The following ARHGAP42 variants were observed in gnomAD, a reference collection of about 807,000 sequenced individuals.
ARHGAP42 encodes Rho GTPase activating protein 42.
In ARHGAP42, 63 loss-of-function variants were observed where a neutral mutation model predicts 125.0. That is an observed-to-expected ratio of 0.50 (90% CI 0.41 to 0.62). ARHGAP42 has a LOEUF of 0.62. ARHGAP42 is among the 20% of genes least tolerant of loss of function. The pLI, the probability that ARHGAP42 is intolerant of heterozygous loss-of-function variation, is 0.00. For synonymous variants in ARHGAP42, 339 were observed against 351.0 expected (o/e 0.97, Z 0.38); for missense variants, 766 against 1,024.2 (o/e 0.75, Z 3.44).
At chr11:100,841,180 CCTTT>C (rs1395570834) in intron 3 of ARHGAP42, among the ~76,000 whole-genome samples, 1 of 152,146 alleles carries the variant, frequency 6.6e-6, no homozygotes, top group Non-Finnish European at 1.5e-5. Context: ...GTACAAAAAT[CCTTT>C]CTTTCACCCT....
intron 4 of ARHGAP42, among the ~76,000 whole-genome samples, chr11:100,902,979 G>C (rs545844359): frequency 1.3e-5 from 2 of 152,258 alleles, no homozygotes; most frequent in South Asian, 4.2e-4. Context: ...TGGACAGCAT[G>C]AATGGAGATG....
At chr11:100,735,215 C>T (rs552978330) in intron 1 of ARHGAP42, among the ~76,000 whole-genome samples, 1 of 152,316 alleles carries the variant, frequency 6.6e-6, no homozygotes, top group East Asian at 1.9e-4. Context: ...AGTACATATT[C>T]TTTTATGATT....
chr11:100,860,927 A>G (rs1865430776), intron 4 of ARHGAP42, among the ~76,000 whole-genome samples: 1 of 152,226 alleles, frequency 6.6e-6, no homozygotes, highest in African/African-American at 2.4e-5. Flanking sequence ...CACACGTGAC[A>G]TGCATGGTGT....
At chr11:100,734,908 C>T (rs942200513) in intron 1 of ARHGAP42, among the ~76,000 whole-genome samples, 1 of 151,776 alleles carries the variant, frequency 6.6e-6, no homozygotes, top group Admixed American at 6.6e-5. Context: ...TTAAGTTCGT[C>T]AGTATACAGA....
At chr11:100,813,569 T>C (rs974251532) in intron 3 of ARHGAP42, among the ~76,000 whole-genome samples, 24 of 152,192 alleles carry the variant, frequency 1.6e-4, no homozygotes, top group African/African-American at 5.8e-4. Context: ...AAATTCACTT[T>C]TGTCATTGAA....
chr11:100,912,760 G>A (rs75783306), intron 4 of ARHGAP42, among the ~76,000 whole-genome samples: 6,876 of 152,140 alleles, frequency 0.045, 227 homozygotes, highest in East Asian at 0.1. Context: ...CCCCCTCCCA[G>A]TTGTTCCCCA....
At chr11:100,921,445 C>T (rs1867264964) in intron 5 of ARHGAP42, 49 bp from the exon 6 acceptor site, 27 of 1,312,958 alleles carry the variant, frequency 2.1e-5, no homozygotes, top group East Asian at 1.1e-4. Context: ...GAATTGAGTC[C>T]CTCTCTATGT....
intron 3 of ARHGAP42, 55 bp from the exon 4 acceptor site, chr11:100,859,499 A>G (rs1251424773): frequency 7.0e-7 from 1 of 1,436,618 alleles, no homozygotes; most frequent in Non-Finnish European, 9.4e-7. Flanking sequence ...CATTTTTTCA[A>G]TGTTGTTGGC....
intron 1 of ARHGAP42, among the ~76,000 whole-genome samples, chr11:100,759,177 C>A (rs1372134256): frequency 6.6e-6 from 1 of 152,142 alleles, no homozygotes; most frequent in African/African-American, 2.4e-5. Context: ...ACCCCCATCA[C>A]CCTGCAGCTT....
intron 3 of ARHGAP42, among the ~76,000 whole-genome samples, chr11:100,808,855 A>G (rs182434743): frequency 1.8e-4 from 27 of 152,312 alleles, no homozygotes; most frequent in African/African-American, 5.8e-4. Flanking sequence ...ATTATTCATA[A>G]ATGTTCCCTT....
At chr11:100,977,447 G>A (rs935525731) in intron 21 of ARHGAP42, among the ~76,000 whole-genome samples, 1 of 152,162 alleles carries the variant, frequency 6.6e-6, no homozygotes, top group African/African-American at 2.4e-5. Flanking sequence ...AGTAGAGAAT[G>A]AGGAATATGC....
At chr11:100,922,171 A>G (rs903849921) in intron 6 of ARHGAP42, among the ~76,000 whole-genome samples, 1 of 152,220 alleles carries the variant, frequency 6.6e-6, no homozygotes, top group African/African-American at 2.4e-5. Context: ...CCCATTTAGC[A>G]AATGTTTAGA....
chr11:100,814,503 A>G (rs1565225679), intron 3 of ARHGAP42, among the ~76,000 whole-genome samples: 2 of 152,202 alleles, frequency 1.3e-5, no homozygotes, highest in South Asian at 4.1e-4. Flanking sequence ...GTATAAAGAA[A>G]TACATGAGAC....
At chr11:100,887,955 C>T (rs1471872243) in intron 4 of ARHGAP42, among the ~76,000 whole-genome samples, 1 of 152,160 alleles carries the variant, frequency 6.6e-6, no homozygotes, top group African/African-American at 2.4e-5. Flanking sequence ...CCCATCTCTA[C>T]CTCTATCCAA....
At chr11:100,745,577 T>C (rs1035961994) in intron 1 of ARHGAP42, among the ~76,000 whole-genome samples, 1 of 152,190 alleles carries the variant, frequency 6.6e-6, no homozygotes, top group East Asian at 1.9e-4. Context: ...TACCCCTGAG[T>C]TGTTGGCTAA....
intron 3 of ARHGAP42, among the ~76,000 whole-genome samples, chr11:100,827,295 G>A (rs1049771047): frequency 3.3e-5 from 5 of 152,104 alleles, no homozygotes; most frequent in Admixed American, 2.6e-4. Context: ...GAGCCACAAC[G>A]TCCGGCCAAG....
chr11:100,734,037 C>T (rs186845509), intron 1 of ARHGAP42, among the ~76,000 whole-genome samples: 6,452 of 148,070 alleles, frequency 0.044, 271 homozygotes, highest in East Asian at 0.22. Flanking sequence ...TGGGTTCAAG[C>T]GATTCTCCTG....
chr11:100,754,591 A>G (rs940843135), intron 1 of ARHGAP42, among the ~76,000 whole-genome samples: 39 of 152,348 alleles, frequency 2.6e-4, no homozygotes, highest in African/African-American at 8.7e-4. Context: ...ATTGAAATGT[A>G]TAAGTAGAAA....
At chr11:100,863,339 G>C (rs1259500377) in intron 4 of ARHGAP42, among the ~76,000 whole-genome samples, 1 of 152,180 alleles carries the variant, frequency 6.6e-6, no homozygotes, top group African/African-American at 2.4e-5. Flanking sequence ...GTTGATTAAA[G>C]GTAGAATCTT....
Sources: allele counts gnomAD v4.1 joint callset (sites outside exome capture counted in the v4.1 genomes callset), GRCh38; gene constraint gnomAD v4.1.1; transcripts MANE v1.5; gene names NCBI Gene and HGNC (gene_info 2026-07-23, HGNC 2026-07-21).